DOCK5: variants seen among roughly 807,000 people sequenced by gnomAD.
The protein encoded by DOCK5 is dedicator of cytokinesis protein 5.
DOCK5 carries 142 observed loss-of-function variants against 251.8 expected under a neutral mutation model. The ratio of observed to expected loss-of-function variants is 0.56; its 90% CI spans 0.49 to 0.65. DOCK5 has a LOEUF of 0.65. Among genes scored for constraint, DOCK5 ranks in the 30% least tolerant of loss-of-function variants. The pLI is 0.00. For synonymous variants in DOCK5, 842 were observed against 835.5 expected (o/e 1.01, Z -0.13); for missense variants, 2,111 against 2,312.3 (o/e 0.91, Z 1.79).
chr8:25,225,477 C>T (rs1223539037), intron 1 of DOCK5, among the ~76,000 whole-genome samples: 1 of 152,182 alleles, frequency 6.6e-6, no homozygotes, highest in Admixed American at 6.5e-5. Flanking sequence ...GAGGCCAAGG[C>T]AGGCGGATCA....
At chr8:25,361,742 G>A (rs1800685301) in intron 28 of DOCK5, among the ~76,000 whole-genome samples, 1 of 152,314 alleles carries the variant, frequency 6.6e-6, no homozygotes, top group Admixed American at 6.5e-5. Context: ...AGAATCCACA[G>A]TTGCACACAC....
chr8:25,251,074 G>T (rs1476819105), intron 2 of DOCK5, among the ~76,000 whole-genome samples: 1 of 152,140 alleles, frequency 6.6e-6, no homozygotes, highest in Non-Finnish European at 1.5e-5. Context: ...GTCACAAGTG[G>T]TTTTAGGCCT....
intron 2 of DOCK5, among the ~76,000 whole-genome samples, chr8:25,257,294 T>C (rs1359932049): frequency 1.3e-5 from 2 of 152,120 alleles, no homozygotes; most frequent in African/African-American, 4.8e-5. Flanking sequence ...GTACTGCCTC[T>C]CAGTTCTTAC....
intron 1 of DOCK5, among the ~76,000 whole-genome samples, chr8:25,195,251 CTTTTTT>C (rs59704416): frequency 9.4e-6 from 1 of 106,232 alleles, no homozygotes; most frequent in East Asian, 2.6e-4. Context: ...CTCCTTATCA[CTTTTTT>C]TTTTTTTTTT....
chr8:25,386,444 T>C (rs945404357), intron 40 of DOCK5, among the ~76,000 whole-genome samples: 1 of 151,940 alleles, frequency 6.6e-6, no homozygotes, highest in Non-Finnish European at 1.5e-5. Flanking sequence ...AAAAATTTTT[T>C]AAAAATTAGC....
chr8:25,404,818 T>C (rs1801495761), intron 48 of DOCK5, among the ~76,000 whole-genome samples: 2 of 152,154 alleles, frequency 1.3e-5, no homozygotes, highest in Admixed American at 6.6e-5. Context: ...ATAAAGATTA[T>C]ACCAGTTTAC....
chr8:25,390,574 C>T (rs1321317545), intron 42 of DOCK5, among the ~76,000 whole-genome samples: 1 of 152,122 alleles, frequency 6.6e-6, no homozygotes, highest in Non-Finnish European at 1.5e-5. Context: ...CTTGGTAATA[C>T]AAAGGGATGT....
At chr8:25,247,779 C>T (rs1803155639) in intron 2 of DOCK5, among the ~76,000 whole-genome samples, 2 of 152,102 alleles carry the variant, frequency 1.3e-5, no homozygotes. Flanking sequence ...TGAGTCCAAA[C>T]AGTCCAAAAC....
At chr8:25,291,032 G>A (rs1231617431) in intron 5 of DOCK5, among the ~76,000 whole-genome samples, 2 of 152,220 alleles carry the variant, frequency 1.3e-5, no homozygotes, top group African/African-American at 4.8e-5. Flanking sequence ...AGAAATGGAT[G>A]TGACTTTGCA....
intron 3 of DOCK5, 69 bp from the exon 4 acceptor site, chr8:25,275,317 G>T: frequency 7.6e-7 from 1 of 1,307,938 alleles, no homozygotes; most frequent in Non-Finnish European, 1.1e-6. Flanking sequence ...TTTACTTTGG[G>T]CTGAGGTGTT....
chr8:25,404,123 C>G (rs555629927), intron 48 of DOCK5, among the ~76,000 whole-genome samples: 1 of 152,316 alleles, frequency 6.6e-6, no homozygotes, highest in African/African-American at 2.4e-5. Context: ...AGTAGCCCCA[C>G]CCCTAGAGCC....
intron 2 of DOCK5, among the ~76,000 whole-genome samples, chr8:25,245,521 G>A (rs1321211883): frequency 6.6e-6 from 1 of 151,288 alleles, no homozygotes; most frequent in Non-Finnish European, 1.5e-5. Context: ...GTATATTTAA[G>A]GATTATTGGG....
At chr8:25,297,395 T>G (rs1804645776) in intron 7 of DOCK5, among the ~76,000 whole-genome samples, 1 of 152,088 alleles carries the variant, frequency 6.6e-6, no homozygotes, top group Admixed American at 6.6e-5. Flanking sequence ...GTAGCTGGGA[T>G]TACAGGCGCC....
chr8:25,316,385 G>C (rs1228818185), intron 13 of DOCK5, among the ~76,000 whole-genome samples: 4 of 152,102 alleles, frequency 2.6e-5, no homozygotes, highest in Non-Finnish European at 5.9e-5. Flanking sequence ...GGAGGCTGAG[G>C]TGAGAGAATC....
Position 25,317,142 on chromosome 8 carries a change from T to C in DOCK5, c.1443+11T>C. 6.2e-7 allele frequency: 1 copy of C among 1,611,928 alleles called. No homozygotes were observed. The highest frequency in any genetic ancestry group is 2.2e-5 in the East Asian group (1 of 44,862). On this transcript the variant is annotated intron_variant, in intron 14 of 51. Coordinates refer to ENST00000276440, the MANE Select transcript of DOCK5 (RefSeq NM_024940.8). ...GGCAAGCTCTTGGAGGTGCGCGGCA[T>C]GGCCCAGAAATCCTGCTACCATCGC...
At chr8:25,321,915 G>A (rs1805435380) in intron 16 of DOCK5, among the ~76,000 whole-genome samples, 1 of 152,164 alleles carries the variant, frequency 6.6e-6, no homozygotes, top group South Asian at 2.1e-4. Flanking sequence ...CCATGTTGCA[G>A]TAGCAAGAAA....
At chr8:25,336,166 C>CT in intron 21 of DOCK5, 73 bp from the exon 22 acceptor site, 3 of 1,516,854 alleles carry the variant, frequency 2.0e-6, no homozygotes, top group Non-Finnish European at 2.7e-6. Flanking sequence ...ATGTTCCCCT[C>CT]TTAGATAACT....
Position 25,267,487 on chromosome 8 carries a change from T to C in DOCK5, c.128-1358T>C, listed in dbSNP as rs865877356. 2.0e-5 allele frequency among the ~76,000 whole-genome samples: 3 copies of C among 152,250 alleles called. No individual in the cohort carries two copies. The South Asian group carries it at 6.2e-4, about 31-fold the overall frequency. On this transcript the variant is annotated intron_variant, in intron 2 of 51. Transcript: ENST00000276440. ...CGAAGTAGAGTATGTGTCTATTTTTTGGTTGATTTCATGTAGAACAAATTA... is the reference window on the plus strand; with the variant it reads ...CGAAGTAGAGTATGTGTCTATTTTTCGGTTGATTTCATGTAGAACAAATTA...
intron 9 of DOCK5, 129 bp downstream of exon 9, chr8:25,300,786 A>G: frequency 1.1e-6 from 1 of 936,466 alleles, no homozygotes; most frequent in Non-Finnish European, 1.6e-6. Context: ...AGCAGGAATA[A>G]CCCACCCATT....
Sources: gnomAD v4.1 joint callset for allele counts (sites outside exome capture counted in the v4.1 genomes callset) on GRCh38, gnomAD v4.1.1 for gene constraint, MANE v1.5 for transcripts, NCBI Gene and HGNC (gene_info 2026-07-23, HGNC 2026-07-21) for gene names.